CEP76: variants seen among roughly 807,000 people sequenced by gnomAD.
CEP76 encodes centrosomal protein 76, also known as centrosomal protein of 76 kDa.
In CEP76, 55 loss-of-function variants were observed where a neutral mutation model predicts 83.3. The ratio of observed to expected loss-of-function variants is 0.66; its 90% CI spans 0.53 to 0.83. CEP76 has a LOEUF of 0.83. CEP76 is among the 40% of genes least tolerant of loss of function. The pLI is 0.00. For synonymous variants in CEP76, 270 were observed against 274.5 expected, an observed-to-expected ratio of 0.98 and a Z score of 0.16; for missense variants, 694 against 799.5, an observed-to-expected ratio of 0.87 and a Z score of 1.59.
intron 4 of CEP76, among the ~76,000 whole-genome samples, chr18:12,698,498 T>C (rs2040039678): frequency 6.6e-6 from 1 of 152,148 alleles, no homozygotes; most frequent in Non-Finnish European, 1.5e-5. Context: ...AGACAATGTC[T>C]CACTTTGCCC....
At chr18:12,673,645 C>T (rs1050623946) in intron 11 of CEP76, 142 bp from the exon 12 acceptor site, 5 of 551,088 alleles carry the variant, frequency 9.1e-6, no homozygotes, top group South Asian at 2.5e-5. Context: ...TTTGGGAGGC[C>T]GAGACAGGTG....
intron 7 of CEP76, chr18:12,686,734 T>C (rs928565452): frequency 4.0e-6 from 1 of 253,074 alleles, no homozygotes; most frequent in Admixed American, 5.0e-5. Flanking sequence ...CAATAAGAAC[T>C]CCTCTGAGAA....
chr18:12,686,597 G>A, intron 7 of CEP76, 147 bp from the exon 8 acceptor site: 1 of 580,264 alleles, frequency 1.7e-6, no homozygotes, highest in South Asian at 2.1e-5. Context: ...GCAAAGTGCT[G>A]TGTATATAAT....
chr18:12,662,674 G>C (rs1322114979), intron 12 of CEP76, among the ~76,000 whole-genome samples: 4 of 152,218 alleles, frequency 2.6e-5, no homozygotes, highest in African/African-American at 9.6e-5. Flanking sequence ...CTGCTCGGAA[G>C]GCTGAGGCAC....
chr18:12,678,060 A>G (rs1488383658), intron 10 of CEP76, 49 bp downstream of exon 10: 1 of 1,463,518 alleles, frequency 6.8e-7, no homozygotes, highest in African/African-American at 1.4e-5. Context: ...ACAGTTAAAT[A>G]CATAAATGAA....
intron 4 of CEP76, 108 bp downstream of exon 4, chr18:12,698,871 T>C (rs1261222393): frequency 2.7e-6 from 2 of 750,428 alleles, no homozygotes; most frequent in Non-Finnish European, 4.3e-6. Flanking sequence ...AAAATAGAGA[T>C]TCCTCCATTA....
downstream of CEP76, among the ~76,000 whole-genome samples, chr18:12,668,929 C>T (rs1256634985): frequency 2.7e-5 from 4 of 148,290 alleles, no homozygotes; most frequent in Admixed American, 6.8e-5. Flanking sequence ...TTAGTAGAGA[C>T]GGGGTTTCAT....
At chr18:12,681,422 T>C (rs898102202) in intron 8 of CEP76, among the ~76,000 whole-genome samples, 1 of 151,548 alleles carries the variant, frequency 6.6e-6, no homozygotes, top group African/African-American at 2.4e-5. Flanking sequence ...AATTTTAAAA[T>C]TTTTTTTGTA....
chr18:12,700,711 T>TA (rs1884374360), intron 2 of CEP76, among the ~76,000 whole-genome samples: 1 of 151,994 alleles, frequency 6.6e-6, no homozygotes. Flanking sequence ...ACCTAGAAAA[T>TA]AAGAGAAAAT....
intron 12 of CEP76, among the ~76,000 whole-genome samples, chr18:12,665,375 C>T (rs2038782708): frequency 1.3e-5 from 2 of 152,040 alleles, no homozygotes; most frequent in Admixed American, 1.3e-4. Flanking sequence ...TGCAGTGAAT[C>T]GAGTTCATGC....
chr18:12,688,087 C>CA lies in CEP76; in HGVS notation c.934-1638dup, dbSNP rs200845983. On this transcript the variant is annotated intron_variant, in intron 7 of 11. Transcript: ENST00000262127. ...TGAAACCCCATCTCCACTAAAAATA[C>CA]AAAAAAAATTAGCCAGGCATGTGGT... Among the ~76,000 whole-genome samples the CA allele has an allele frequency of 9.5e-3, 1,430 of 151,196 alleles. 24 individuals are homozygous for CA. The highest frequency in any genetic ancestry group is 0.033 in the African/African-American group (1,373 of 41,236).
chr18:12,667,241 G>A (rs2038821461), intron 12 of CEP76, among the ~76,000 whole-genome samples: 1 of 152,030 alleles, frequency 6.6e-6, no homozygotes, highest in South Asian at 2.1e-4. Flanking sequence ...GAGGAGGATC[G>A]CTTGAGGCCA....
chr18:12,671,638 CTTT>C (rs1465075121), downstream of CEP76, among the ~76,000 whole-genome samples: 3 of 82,930 alleles, frequency 3.6e-5, no homozygotes, highest in African/African-American at 1.2e-4. Context: ...AGGTTTCACA[CTTT>C]CTTTTTTTTT....
At position 12,680,821 on chromosome 18, in the gene CEP76, C is replaced by T; in HGVS notation, c.1130G>A (p.Cys377Tyr). The T allele has an allele frequency of 1.2e-6, 2 of 1,608,350 alleles. No individual in the cohort carries two copies. Among genetic ancestry groups the T allele is most frequent in the Non-Finnish European group, 1.7e-6 (2 of 1,177,678 alleles). ...GCACAGAAGGTTAGCGTGATCTTCA[C>T]AGTCACCCTGGAAGATAAATTAAAA... Reference protein sequence around the residue: ...LAFLCRNKGDCEDHANLLCSL... With the variant: ...LAFLCRNKGDYEDHANLLCSL... Residue 377 changes from cysteine to tyrosine, a missense_variant, in exon 9 of 12, where the codon TGT becomes TAT. Cys to Tyr is a radical substitution (Grantham distance 194, BLOSUM62 -2). Coordinates refer to ENST00000262127, the MANE Select transcript of CEP76 (RefSeq NM_024899.4).
intron 10 of CEP76, among the ~76,000 whole-genome samples, chr18:12,675,867 C>T (rs998187641): frequency 6.6e-6 from 1 of 151,908 alleles, no homozygotes; most frequent in African/African-American, 2.4e-5. Flanking sequence ...CGGGCTTTCA[C>T]CATGTTGGCC....
intron 6 of CEP76, among the ~76,000 whole-genome samples, chr18:12,694,684 C>A (rs1441074372): frequency 1.3e-5 from 2 of 151,826 alleles, no homozygotes; most frequent in African/African-American, 4.8e-5. Context: ...ACTCTTTGAT[C>A]TTCTTCAGCT....
chr18:12,684,755 T>C (rs1960787835), intron 8 of CEP76: 1 of 152,098 alleles, frequency 6.6e-6, no homozygotes, highest in Non-Finnish European at 1.5e-5. Context: ...AGTGCTGGGA[T>C]TACAGGCGTG....
chr18:12,675,253 G>A (rs751320292), intron 10 of CEP76, among the ~76,000 whole-genome samples: 2 of 152,050 alleles, frequency 1.3e-5, no homozygotes, highest in Non-Finnish European at 2.9e-5. Flanking sequence ...AAAATGAGTT[G>A]GGCGTGGTGG....
intron 10 of CEP76, among the ~76,000 whole-genome samples, chr18:12,677,286 A>G (rs1198762970): frequency 2.0e-5 from 3 of 151,974 alleles, no homozygotes; most frequent in Non-Finnish European, 4.4e-5. Context: ...CAAAAAATAC[A>G]AAAACTGGCA....
Sources: gnomAD v4.1 joint callset for allele counts (sites outside exome capture counted in the v4.1 genomes callset) on GRCh38, gnomAD v4.1.1 for gene constraint, MANE v1.5 for transcripts, NCBI Gene and HGNC (gene_info 2026-07-23, HGNC 2026-07-21) for gene names.